Variants in PHOSPHO2 observed in about 807,000 individuals in gnomAD.
PHOSPHO2 encodes the protein phosphatase, orphan 2.
A neutral mutation model predicts 16.4 loss-of-function variants in PHOSPHO2; 14 were observed. The observed-to-expected ratio is 0.85, with a 90% CI of 0.56 to 1.33. The LOEUF (loss-of-function observed/expected upper bound fraction) is 1.33, where lower values mean the gene tolerates loss of function less well. Ranked by LOEUF, PHOSPHO2 falls within the 40% of genes most tolerant of loss-of-function variation. The probability of loss-of-function intolerance (pLI) is 0.00; values close to 1 mark genes in which losing one functional copy is unlikely to be tolerated. For missense variants in PHOSPHO2, 246 were observed against 282.5 expected (o/e 0.87, Z 0.93); for synonymous variants, 85 against 90.5 (o/e 0.94, Z 0.34).
chr2:169,695,041 G>T (rs980154527), intron 1 of PHOSPHO2, among the ~76,000 whole-genome samples, 174 bp from the exon 2 acceptor site: 3 of 152,186 alleles, frequency 2.0e-5, no homozygotes, highest in Non-Finnish European at 4.4e-5. Context: ...GTAGCTGCGC[G>T]TTTGGTTTCA....
chr2:169,696,600 A>G (rs952930743), intron 2 of PHOSPHO2, among the ~76,000 whole-genome samples: 1 of 152,268 alleles, frequency 6.6e-6, no homozygotes, highest in African/African-American at 2.4e-5. Flanking sequence ...TTGTTACACT[A>G]TGGAAACATT....
In PHOSPHO2 at chr2:169,701,451, T is replaced by C. The variant is rs780647608; in HGVS notation, c.480T>C (p.Phe160=). The change falls in exon 4 of 4, where the codon TTT becomes TTC. Residue 160 remains phenylalanine (F), a synonymous_variant. Coordinates refer to ENST00000359744, the MANE Select transcript of PHOSPHO2 (RefSeq NM_001008489.4). ...NLCKKVVLIE[F]VDKQLQQGVN... ...GCAAAAAGGTAGTTTTGATAGAATT[T>C]GTAGATAAACAGTTACAACAGGGAG... 1 of 1,612,224 alleles carries C rather than the reference T, an allele frequency of 6.2e-7. No homozygotes were observed. Among genetic ancestry groups the C allele is most frequent in the African/African-American group, 1.3e-5 (1 of 74,862 alleles).
intron 3 of PHOSPHO2, among the ~76,000 whole-genome samples, chr2:169,700,065 A>C (rs1464597306): frequency 2.0e-5 from 3 of 150,510 alleles, no homozygotes; most frequent in Non-Finnish European, 3.0e-5. Context: ...GGAACTTTTC[A>C]ACTTTATAAT....
At chr2:169,694,991 A>C (rs1312029120) in intron 1 of PHOSPHO2, among the ~76,000 whole-genome samples, 1 of 152,350 alleles carries the variant, frequency 6.6e-6, no homozygotes, top group African/African-American at 2.4e-5. Flanking sequence ...AGATATTTTA[A>C]ATTTCTTGGT....
intron 3 of PHOSPHO2, among the ~76,000 whole-genome samples, chr2:169,699,875 CTGTT>C (rs1302901129): frequency 2.0e-5 from 3 of 151,750 alleles, no homozygotes; most frequent in African/African-American, 4.8e-5. Context: ...CTTAATGGGG[CTGTT>C]TGTTTTTTCT....
Position 169,701,287 on chromosome 2 carries a change from G to A in PHOSPHO2, c.316G>A (p.Asp106Asn). Residue 106 changes from aspartate to asparagine, a missense_variant, in exon 4 of 4, where the codon GAT (aspartate) becomes AAT (asparagine). Coordinates refer to ENST00000359744, the MANE Select transcript of PHOSPHO2 (RefSeq NM_001008489.4). ...IISDSNSVFI[D>N]WVLEAASFHD... is the part of the protein sequence containing the mutation. ...TTCAGATTCAAATTCGGTCTTCATA[G>A]ATTGGGTTTTAGAAGCTGCCAGTTT... The A allele has an allele frequency of 5.0e-6, 8 of 1,613,192 alleles. No homozygotes were observed. The highest frequency in any genetic ancestry group is 6.8e-6 in the Non-Finnish European group (8 of 1,179,618).
rs1448237483 is a variant in PHOSPHO2 at position 169,700,723 on chromosome 2, C to T, written c.-26-223C>T. Among the ~76,000 whole-genome samples, 4 of 151,994 alleles carry T rather than the reference C, an allele frequency of 2.6e-5. No homozygotes were observed. The South Asian group carries it at 8.3e-4, about 31-fold the overall frequency. On this transcript the variant is annotated intron_variant, in intron 3 of 3. Transcript: ENST00000359744. The stretch of plus-strand genomic sequence containing the variant: ...ACACACCTCCAGGAACACAATAATA[C>T]TATGAATGTCCTTTTTATATATTTT...
chr2:169,698,604 A>T (rs1687633715), intron 3 of PHOSPHO2, among the ~76,000 whole-genome samples: 9 of 152,234 alleles, frequency 5.9e-5, no homozygotes, highest in Admixed American at 5.2e-4. Context: ...ATCTGTTTAC[A>T]CACATTAATT....
intron 3 of PHOSPHO2, 101 bp from the exon 4 acceptor site, chr2:169,700,845 T>C (rs1165233454): frequency 8.4e-7 from 1 of 1,185,420 alleles, no homozygotes; most frequent in Non-Finnish European, 1.1e-6. Flanking sequence ...TTTATATTCC[T>C]CCCTTTAGCA....
At chr2:169,699,610 C>A (rs1029407850) in intron 3 of PHOSPHO2, among the ~76,000 whole-genome samples, 1 of 152,140 alleles carries the variant, frequency 6.6e-6, no homozygotes, top group African/African-American at 2.4e-5. Flanking sequence ...CTGTCTTCCA[C>A]GATGGTTGAA....
In PHOSPHO2 at chr2:169,697,485, C is replaced by T. The variant is rs1393239201; in HGVS notation, c.-73C>T. Reference sequence around the variant, plus strand: ...ACTGAAGATTGTCATGATTGTTTATCCTAATCCCAATGCTGAAGTAAGATT... The same window carrying T: ...ACTGAAGATTGTCATGATTGTTTATTCTAATCCCAATGCTGAAGTAAGATT... On this transcript the variant is annotated 5_prime_UTR_variant, in exon 3 of 4. Coordinates refer to ENST00000359744, the MANE Select transcript of PHOSPHO2 (RefSeq NM_001008489.4). 6.6e-6 allele frequency: 1 copy of T among 152,104 alleles called. No individual in the cohort carries two copies. The highest frequency in any genetic ancestry group is 1.5e-5 in the Non-Finnish European group (1 of 68,018). 9.4% of individuals were successfully genotyped at this position (152,104 alleles called of 1,614,324 possible). A position where few individuals can be genotyped will look rare whatever the true frequency, so the allele number is the denominator to read the frequency against.
chr2:169,700,980 T>G lies in PHOSPHO2; in HGVS notation c.9T>G (p.Ile3Met). The G allele has an allele frequency of 6.3e-7, 1 of 1,588,356 alleles. No homozygotes were observed. The highest frequency in any genetic ancestry group is 1.8e-5 in the Admixed American group (1 of 55,602). ...AATCTATTTCTGGAACCATGAAAAT[T>G]TTGCTAGTTTTTGACTTTGACAATA... is the stretch of plus-strand genomic sequence containing the variant. MK[I>M]LLVFDFDNTI... Residue 3 changes from isoleucine (I) to methionine (M), a missense_variant, in exon 4 of 4, where the codon ATT becomes ATG. Coordinates refer to ENST00000359744, the MANE Select transcript of PHOSPHO2 (RefSeq NM_001008489.4).
intron 3 of PHOSPHO2, among the ~76,000 whole-genome samples, chr2:169,699,004 T>C (rs148074725): frequency 1.2e-3 from 182 of 152,348 alleles, no homozygotes; most frequent in African/African-American, 4.2e-3. Flanking sequence ...CTAAATACTT[T>C]TTTAATTTTT....
Position 169,694,509 on chromosome 2 carries a change from T to A in PHOSPHO2, c.-344T>A, listed in dbSNP as rs115957102. Reference sequence around the variant, plus strand: ...GCTAGAGAAGAGAGGCGCCTGCGCTTGCGAGCTGGGCTTGTGAGTGGGGCT... The same window carrying A: ...GCTAGAGAAGAGAGGCGCCTGCGCTAGCGAGCTGGGCTTGTGAGTGGGGCT... On this transcript the variant is annotated 5_prime_UTR_variant, in exon 1 of 4. Coordinates refer to ENST00000359744, the MANE Select transcript of PHOSPHO2 (RefSeq NM_001008489.4). The A allele has an allele frequency of 3.0e-3, 2,013 of 660,618 alleles. 41 individuals are homozygous for A. In the African/African-American group the frequency reaches 0.032, roughly 10 times the overall value. 40.9% of individuals were successfully genotyped at this position (660,618 alleles called of 1,614,324 possible).
intron 2 of PHOSPHO2, among the ~76,000 whole-genome samples, chr2:169,696,258 G>A (rs866659846): frequency 6.6e-6 from 1 of 152,074 alleles, no homozygotes; most frequent in Non-Finnish European, 1.5e-5. Flanking sequence ...ATTTAATAAG[G>A]TAGCATATGC....
chr2:169,695,989 A>G (rs1048748422), intron 2 of PHOSPHO2, among the ~76,000 whole-genome samples: 4 of 152,198 alleles, frequency 2.6e-5, no homozygotes, highest in Admixed American at 1.3e-4. Context: ...AGGAAAGGGC[A>G]GTCAGTAAGA....
At chr2:169,699,490 G>A (rs558021814) in intron 3 of PHOSPHO2, among the ~76,000 whole-genome samples, 1 of 152,152 alleles carries the variant, frequency 6.6e-6, no homozygotes, top group Non-Finnish European at 1.5e-5. Flanking sequence ...ACATACGCTT[G>A]CATGTATCTT....
In PHOSPHO2 at chr2:169,694,560, G is replaced by A. The variant is rs1462665853; in HGVS notation, c.-293G>A. The stretch of plus-strand genomic sequence containing the variant: ...GCCGAGAGGGCAGGCGTGGGGCGAG[G>A]CCAAAGGACTGAACCCGCAGGAGCG... On this transcript the variant is annotated 5_prime_UTR_variant, in exon 1 of 4. Coordinates refer to ENST00000359744, the MANE Select transcript of PHOSPHO2 (RefSeq NM_001008489.4). The A allele has an allele frequency of 3.4e-6, 2 of 594,714 alleles. No individual in the cohort carries two copies. Among genetic ancestry groups the A allele is most frequent in the East Asian group, 5.6e-5 (2 of 35,684 alleles). 36.8% of individuals were successfully genotyped at this position (594,714 alleles called of 1,614,324 possible). A position where few individuals can be genotyped will look rare whatever the true frequency, so the allele number is the denominator to read the frequency against.
chr2:169,695,051 A>AAAAGATGCT (rs1386010400), intron 1 of PHOSPHO2, among the ~76,000 whole-genome samples, 164 bp from the exon 2 acceptor site: 1 of 152,250 alleles, frequency 6.6e-6, no homozygotes, highest in Non-Finnish European at 1.5e-5. Context: ...GTTTGGTTTC[A>AAAAGATGCT]AAAGATGCTT....
Sources: allele counts gnomAD v4.1 joint callset (sites outside exome capture counted in the v4.1 genomes callset), GRCh38; gene constraint gnomAD v4.1.1; transcripts MANE v1.5; gene names NCBI Gene and HGNC (gene_info 2026-07-23, HGNC 2026-07-21).